CBLB: variants seen among roughly 807,000 people sequenced by gnomAD.
CBLB encodes Cbl proto-oncogene B, also known as E3 ubiquitin-protein ligase CBL-B.
In CBLB, 31 loss-of-function variants were observed where a neutral mutation model predicts 104.9. The observed-to-expected ratio is 0.30, with a 90% CI of 0.22 to 0.40. The LOEUF is 0.40. CBLB is among the 10% of genes least tolerant of loss of function. The probability of loss-of-function intolerance (pLI) is 1.00; values close to 1 mark genes in which losing one functional copy is unlikely to be tolerated. For missense variants in CBLB, 1,062 were observed against 1,214.6 expected (o/e 0.87, Z 1.87); for synonymous variants, 440 against 422.6 (o/e 1.04, Z -0.51).
At chr3:105,736,146 T>C (rs2074913423) in intron 8 of CBLB, among the ~76,000 whole-genome samples, 2 of 152,166 alleles carry the variant, frequency 1.3e-5, no homozygotes, top group South Asian at 4.1e-4. Context: ...TTATTACTTA[T>C]TACACAAGGC....
chr3:105,666,575 A>G lies in CBLB; in HGVS notation c.2689+3658T>C, dbSNP rs192810305. Among the ~76,000 whole-genome samples, 300 of 152,072 alleles carry G rather than the reference A, an allele frequency of 2.0e-3. 1 individual carries two copies. The highest frequency in any genetic ancestry group is 6.9e-3 in the African/African-American group (286 of 41,476). On this transcript the variant is annotated intron_variant, in intron 18 of 18. Coordinates refer to ENST00000394030, the MANE Select transcript of CBLB (RefSeq NM_170662.5). ...ATGGTGGATGCCTGTAATCCCAGCT[A>G]CTCGGGAAGCTGAGGCATGAGAACT... is the stretch of plus-strand genomic sequence containing the variant.
At chr3:105,841,157 A>C (rs1382767753) in intron 3 of CBLB, among the ~76,000 whole-genome samples, 1 of 151,864 alleles carries the variant, frequency 6.6e-6, no homozygotes, top group African/African-American at 2.4e-5. Context: ...TTAGCTCTGC[A>C]TGGTGACGTG....
intron 3 of CBLB, among the ~76,000 whole-genome samples, chr3:105,799,504 T>A (rs1425088216): frequency 6.6e-6 from 1 of 152,168 alleles, no homozygotes; most frequent in Admixed American, 6.5e-5. Context: ...AACACCCGCA[T>A]AACAAGCATT....
At chr3:105,685,700 A>C (rs2066921444) in intron 13 of CBLB, among the ~76,000 whole-genome samples, 1 of 152,220 alleles carries the variant, frequency 6.6e-6, no homozygotes, top group African/African-American at 2.4e-5. Context: ...TTTAAATGGC[A>C]CAATAGGAAA....
At position 105,867,495 on chromosome 3, in the gene CBLB, G is replaced by A. The variant is rs1301977166; in HGVS notation, c.83C>T (p.Ala28Val). 1.2e-6 allele frequency: 2 copies of A among 1,614,150 alleles called. No homozygotes were observed. Among genetic ancestry groups the A allele is most frequent in the Non-Finnish European group, 8.5e-7 (1 of 1,180,000 alleles). The change falls in exon 2 of 19, where the codon GCT (alanine) becomes GTT (valine). Residue 28 changes from alanine (A) to valine (V), a missense_variant. By Grantham distance (64) the Ala-to-Val change is moderately conservative. This residue lies in a region of CBLB where 457 missense variants were observed against 632.0 expected (regional missense o/e 0.72). Coordinates refer to ENST00000394030, the MANE Select transcript of CBLB (RefSeq NM_170662.5). ...AGGGGGTCCAACTGCATCCTGAATA[G>A]CATCAATAATACCCAAAATTCGACC... The part of the protein sequence containing the change: ...RKGRILGIID[A>V]IQDAVGPPKQ...
At chr3:105,832,513 T>G (rs2087725002) in intron 3 of CBLB, among the ~76,000 whole-genome samples, 2 of 152,188 alleles carry the variant, frequency 1.3e-5, no homozygotes, top group African/African-American at 4.8e-5. Context: ...CTTTTTAAAA[T>G]GTCACATGAA....
chr3:105,752,688 A>C (rs902981004), intron 4 of CBLB, among the ~76,000 whole-genome samples: 1 of 152,214 alleles, frequency 6.6e-6, no homozygotes, highest in Non-Finnish European at 1.5e-5. Flanking sequence ...CTTCAATGAG[A>C]TATCACCATA....
chr3:105,849,313 T>C (rs1577839230), intron 3 of CBLB, among the ~76,000 whole-genome samples: 2 of 152,128 alleles, frequency 1.3e-5, no homozygotes, highest in East Asian at 3.8e-4. Flanking sequence ...CAGAACATTG[T>C]CAGTAAACAG....
At chr3:105,853,863 C>G (rs1473769986) in intron 2 of CBLB, among the ~76,000 whole-genome samples, 199 bp from the exon 3 acceptor site, 5 of 152,106 alleles carry the variant, frequency 3.3e-5, no homozygotes, top group Admixed American at 2.6e-4. Flanking sequence ...ACCATTCAAT[C>G]TTTTCTATAT....
At chr3:105,836,768 A>G (rs1427533790) in intron 3 of CBLB, among the ~76,000 whole-genome samples, 1 of 152,168 alleles carries the variant, frequency 6.6e-6, no homozygotes. Flanking sequence ...AACTGCTGAC[A>G]AACCCTAACA....
chr3:105,666,773 A>T (rs969512323), intron 18 of CBLB, among the ~76,000 whole-genome samples: 2 of 152,250 alleles, frequency 1.3e-5, no homozygotes, highest in Non-Finnish European at 2.9e-5. Flanking sequence ...TGTTTTAAAT[A>T]TATCCAGAAA....
chr3:105,824,544 C>A (rs921426963), intron 3 of CBLB, among the ~76,000 whole-genome samples: 3 of 152,092 alleles, frequency 2.0e-5, no homozygotes, highest in Non-Finnish European at 4.4e-5. Flanking sequence ...GTAGAGTCAG[C>A]CTGACTTTAG....
rs548466546 is a variant in CBLB, at chr3:105,698,514, C to T, written c.1959+3580G>A. On this transcript the variant is annotated intron_variant, in intron 12 of 18. Transcript: ENST00000394030. The stretch of plus-strand genomic sequence containing the variant: ...AATTTTTAGTACTTATCTACATTTT[C>T]TTATCTCTAAAATGGGAAGATGCTA... Among the ~76,000 whole-genome samples, 16 of 146,162 alleles carry T rather than the reference C, an allele frequency of 1.1e-4. No individual in the cohort carries two copies. The East Asian group carries it at 3.3e-3, about 31-fold the overall frequency.
At chr3:105,659,874 G>C (rs1432526063) in intron 18 of CBLB, among the ~76,000 whole-genome samples, 1 of 152,050 alleles carries the variant, frequency 6.6e-6, no homozygotes, top group South Asian at 2.1e-4. Context: ...CAGGCTGAAC[G>C]GAAGGAAACT....
chr3:105,753,192 G>A (rs2076744447), intron 4 of CBLB, among the ~76,000 whole-genome samples: 1 of 151,974 alleles, frequency 6.6e-6, no homozygotes, highest in Admixed American at 6.6e-5. Context: ...TTATAAGAGA[G>A]TTTAGGTTTC....
At chr3:105,751,713 A>G in intron 4 of CBLB, 95 bp from the exon 5 acceptor site, 1 of 895,398 alleles carries the variant, frequency 1.1e-6, no homozygotes. Flanking sequence ...TAAAATTAAT[A>G]TAATTGTATT....
rs1009293824 is a variant in CBLB, at chr3:105,655,913, G to A, written c.*3057C>T. ...AAAATCACATTATGAAGAAATCTTT[G>A]CAAGTGTTCTTGGTATATGAAATGC... On this transcript the variant is annotated 3_prime_UTR_variant, in exon 19 of 19. Coordinates refer to ENST00000394030, the MANE Select transcript of CBLB (RefSeq NM_170662.5). 1.3e-5 allele frequency: 3 copies of A among 225,812 alleles called. No individual in the cohort carries two copies. Among genetic ancestry groups the A allele is most frequent in the Non-Finnish European group, 2.6e-5 (3 of 113,500 alleles). The allele number at this position is 225,812 out of a possible 1,614,324, so 14.0% of individuals were successfully genotyped here.
intron 8 of CBLB, among the ~76,000 whole-genome samples, chr3:105,734,393 T>C (rs1364889900): frequency 1.3e-5 from 2 of 152,196 alleles, no homozygotes; most frequent in Non-Finnish European, 2.9e-5. Flanking sequence ...AAGGTTCCTT[T>C]ACTGTTCCTT....
In CBLB at chr3:105,853,611, T is replaced by C. The variant is rs913942933; in HGVS notation, c.222A>G (p.Ile74Met). 8 of 1,609,554 alleles carry C rather than the reference T, an allele frequency of 5.0e-6. No individual in the cohort carries two copies. The highest frequency in any genetic ancestry group is 6.8e-6 in the Non-Finnish European group (8 of 1,176,534). Residue 74 changes from isoleucine to methionine, a missense_variant, in exon 3 of 19, where the codon ATA becomes ATG. This residue lies in a region of CBLB where 457 missense variants were observed against 632.0 expected (regional missense o/e 0.72). Transcript: ENST00000394030. Reference protein sequence around the residue: ...KLQLKNSPPYILDILPDTYQH... With the variant: ...KLQLKNSPPYMLDILPDTYQH... Reference sequence around the variant, plus strand: ...GATATGTATCAGGCAAAATATCAAGTATATATGGTGGGCTATTTTTCAACT... The same window carrying C: ...GATATGTATCAGGCAAAATATCAAGCATATATGGTGGGCTATTTTTCAACT...
Sources: gnomAD v4.1 joint callset for allele counts (sites outside exome capture counted in the v4.1 genomes callset) on GRCh38, gnomAD v4.1.1 for gene constraint, gnomAD v4.1.1 regional missense constraint, MANE v1.5 for transcripts, NCBI Gene and HGNC (gene_info 2026-07-23, HGNC 2026-07-21) for gene names.